The following LARGE1 variants were observed in gnomAD, a reference collection of about 807,000 sequenced individuals.
LARGE1 encodes the protein xylosyl- and glucuronyltransferase LARGE1.
In LARGE1, 43 loss-of-function variants were observed where a neutral mutation model predicts 87.6. That is an observed-to-expected ratio of 0.49 (90% confidence interval 0.38 to 0.63). LARGE1 has a LOEUF of 0.63. LARGE1 is among the 30% of genes least tolerant of loss of function. The pLI is 0.00. For synonymous variants in LARGE1, 434 were observed against 394.6 expected, an observed-to-expected ratio of 1.10 and a Z score of -1.18; for missense variants, 802 against 1,000.2, an observed-to-expected ratio of 0.80 and a Z score of 2.67.
chr22:33,173,222 A>G (rs906543741), intron 11 of LARGE1, among the ~76,000 whole-genome samples: 1 of 152,252 alleles, frequency 6.6e-6, no homozygotes, highest in Admixed American at 6.5e-5. Context: ...CTTAAAGGAA[A>G]GAATTTTCAA....
intron 1 of LARGE1, among the ~76,000 whole-genome samples, chr22:33,785,439 C>T (rs1054905943): frequency 6.6e-6 from 1 of 152,078 alleles, no homozygotes; most frequent in African/African-American, 2.4e-5. Context: ...GCCTGTTTCA[C>T]ATCCAGCACT....
intron 1 of LARGE1, among the ~76,000 whole-genome samples, chr22:33,831,081 T>C (rs1277140310): frequency 6.6e-6 from 1 of 150,746 alleles, no homozygotes; most frequent in Non-Finnish European, 1.5e-5. Context: ...TATTAGCAGA[T>C]ATTATTTTTT....
chr22:33,897,808 C>A (rs893906723), intron 1 of LARGE1, among the ~76,000 whole-genome samples: 1 of 152,164 alleles, frequency 6.6e-6, no homozygotes, highest in Non-Finnish European at 1.5e-5. Context: ...AGGCTGTTTT[C>A]CTCCCTGCTT....
intron 1 of LARGE1, among the ~76,000 whole-genome samples, chr22:33,852,791 G>C (rs371504539): frequency 1.3e-4 from 19 of 145,274 alleles, no homozygotes; most frequent in East Asian, 4.4e-4. Context: ...GGGAGGCGGA[G>C]GTTACAGTGA....
Position 33,534,361 on chromosome 22 carries a change from G to A in LARGE1, c.787+30487C>T, listed in dbSNP as rs182683974. ...GGAGCTTGCAGTGAGCGGAGAACAC[G>A]CCACTGCACTCCAACCTGGGCGACA... On this transcript the variant is annotated intron_variant, in intron 6 of 14. Coordinates refer to ENST00000397394, the MANE Select transcript of LARGE1 (RefSeq NM_133642.5). 3.7e-3 allele frequency among the ~76,000 whole-genome samples: 560 copies of A among 151,662 alleles called. 3 individuals are homozygous for A. The highest frequency in any genetic ancestry group is 5.5e-3 in the Non-Finnish European group (373 of 67,912).
chr22:33,501,008 C>T (rs1054035196), intron 6 of LARGE1, among the ~76,000 whole-genome samples: 3 of 152,082 alleles, frequency 2.0e-5, no homozygotes, highest in South Asian at 2.1e-4. Flanking sequence ...GAGGTGCGGG[C>T]GCCCATGGAA....
chr22:33,516,358 G>A (rs1180852623), intron 6 of LARGE1, among the ~76,000 whole-genome samples: 8 of 152,156 alleles, frequency 5.3e-5, no homozygotes, highest in African/African-American at 1.9e-4. Context: ...ACCAGGGCCA[G>A]CTTTAGGGAC....
At chr22:33,606,511 G>A (rs1034847143) in intron 4 of LARGE1, among the ~76,000 whole-genome samples, 1 of 151,912 alleles carries the variant, frequency 6.6e-6, no homozygotes, top group East Asian at 1.9e-4. Context: ...TTTAGCTCTC[G>A]GCCGTCGGCA....
intron 7 of LARGE1, among the ~76,000 whole-genome samples, chr22:33,391,795 A>C: frequency 9.5e-6 from 1 of 105,206 alleles, no homozygotes; most frequent in Admixed American, 1.4e-4. Context: ...TTTGAGACGG[A>C]GTCTTGCACT....
At chr22:33,466,693 T>TACACACAC (rs536654371) in intron 6 of LARGE1, among the ~76,000 whole-genome samples, 5,171 of 145,228 alleles carry the variant, frequency 0.036, 155 homozygotes, top group African/African-American at 0.079. Context: ...TCTCTCTCTC[T>TACACACAC]ACACACACAC....
At chr22:33,343,384 G>T (rs6518819) in intron 9 of LARGE1, among the ~76,000 whole-genome samples, 43,484 of 151,830 alleles carry the variant, frequency 0.29, 6,366 homozygotes, top group African/African-American at 0.37. Context: ...CCTCCCAAAC[G>T]GCTAGGATTA....
intron 9 of LARGE1, among the ~76,000 whole-genome samples, chr22:33,369,163 T>G (rs1475861959): frequency 6.6e-6 from 1 of 152,274 alleles, no homozygotes; most frequent in East Asian, 1.9e-4. Context: ...CTGCCCCTGC[T>G]TTATCAACTA....
At chr22:33,457,820 G>C (rs2068202783) in intron 6 of LARGE1, among the ~76,000 whole-genome samples, 1 of 152,264 alleles carries the variant, frequency 6.6e-6, no homozygotes, top group Admixed American at 6.5e-5. Context: ...GCTGAGGAAA[G>C]ACCCTGAGCA....
intron 1 of LARGE1, among the ~76,000 whole-genome samples, chr22:33,792,468 T>C (rs904093473): frequency 2.0e-5 from 3 of 152,284 alleles, no homozygotes; most frequent in Admixed American, 6.5e-5. Flanking sequence ...ATTAAACCTC[T>C]TTCCTTTATA....
chr22:33,905,044 GT>G (rs34572730), intron 1 of LARGE1, among the ~76,000 whole-genome samples: 1,712 of 126,770 alleles, frequency 0.014, 54 homozygotes, highest in African/African-American at 0.046. Context: ...AGGTATTTAA[GT>G]TTTTTTTTTT....
the LARGE1 span, among the ~76,000 whole-genome samples, chr22:33,146,266 T>C: frequency 6.6e-6 from 1 of 152,206 alleles, no homozygotes; most frequent in Admixed American, 6.5e-5. Context: ...TAAGGCTTCA[T>C]AGATTTTAGA....
intron 6 of LARGE1, among the ~76,000 whole-genome samples, chr22:33,535,529 G>A (rs1282684587): frequency 2.0e-5 from 3 of 150,178 alleles, no homozygotes; most frequent in African/African-American, 7.4e-5. Flanking sequence ...GGTGATGAGA[G>A]TAAAACTCCA....
chr22:33,359,844 G>A lies in LARGE1; in HGVS notation c.1132-22043C>T, dbSNP rs1367825630. Among the ~76,000 whole-genome samples, 26 of 149,488 alleles carry A rather than the reference G, an allele frequency of 1.7e-4. 1 individual carries two copies. The highest frequency in any genetic ancestry group is 5.9e-4 in the African/African-American group (24 of 40,678). On this transcript the variant is annotated intron_variant, in intron 9 of 14. Coordinates refer to ENST00000397394, the MANE Select transcript of LARGE1 (RefSeq NM_133642.5). ...CTCCCAAAGTGCTGGGATCACAGGCGTGAGCCACCGCACCCAGCCAGCAGA... is the reference window on the plus strand; with the variant it reads ...CTCCCAAAGTGCTGGGATCACAGGCATGAGCCACCGCACCCAGCCAGCAGA...
At chr22:33,482,997 C>T (rs532223810) in intron 6 of LARGE1, among the ~76,000 whole-genome samples, 13 of 152,174 alleles carry the variant, frequency 8.5e-5, no homozygotes, top group Non-Finnish European at 1.9e-4. Context: ...CTTACGTGGC[C>T]TGGAAGCAAA....
Sources: gnomAD v4.1 joint callset for allele counts (sites outside exome capture counted in the v4.1 genomes callset) on GRCh38, gnomAD v4.1.1 for gene constraint, MANE v1.5 for transcripts, NCBI Gene and HGNC (gene_info 2026-07-23, HGNC 2026-07-21) for gene names.